Variants in DROSHA observed in about 807,000 individuals in gnomAD.
DROSHA encodes the protein drosha ribonuclease III.
In DROSHA, 56 loss-of-function variants were observed where a neutral mutation model predicts 181.9. That is an observed-to-expected ratio of 0.31 (90% CI 0.25 to 0.38). The LOEUF (loss-of-function observed/expected upper bound fraction) is 0.38. Among genes scored for constraint, DROSHA ranks in the 10% least tolerant of loss-of-function variants. DROSHA has a pLI of 1.00. For synonymous variants in DROSHA, 524 were observed against 591.2 expected (o/e 0.89, Z 1.65); for missense variants, 1,218 against 1,743.5 (o/e 0.70, Z 5.37).
intron 20 of DROSHA, among the ~76,000 whole-genome samples, chr5:31,456,561 T>C (rs1476712762): frequency 6.6e-6 from 1 of 151,852 alleles, no homozygotes; most frequent in Non-Finnish European, 1.5e-5. Context: ...AAGTTGTCAG[T>C]ATAAAGGTAA....
At position 31,424,418 on chromosome 5, in the gene DROSHA, C is replaced by A; in HGVS notation, c.3261+9G>T. 6.3e-7 allele frequency: 1 copy of A among 1,596,968 alleles called. No homozygotes were observed. The highest frequency in any genetic ancestry group is 1.1e-5 in the South Asian group (1 of 87,360). On this transcript the variant is annotated intron_variant, in intron 28 of 35. Transcript: ENST00000344624. Reference sequence around the variant, plus strand: ...TAAAGCTCACTGCAGACAGGGAGGTCATACTTACTTGGAGTGGGTGGAGAG... The same window carrying A: ...TAAAGCTCACTGCAGACAGGGAGGTAATACTTACTTGGAGTGGGTGGAGAG...
chr5:31,416,621 TA>T (rs1300668734), intron 30 of DROSHA, among the ~76,000 whole-genome samples: 1 of 152,132 alleles, frequency 6.6e-6, no homozygotes, highest in Non-Finnish European at 1.5e-5. Flanking sequence ...GAGTAGAAGA[TA>T]CCAGGCACAT....
At chr5:31,444,813 G>C (rs966409557) in intron 23 of DROSHA, among the ~76,000 whole-genome samples, 2 of 152,146 alleles carry the variant, frequency 1.3e-5, no homozygotes, top group African/African-American at 4.8e-5. Context: ...TCATAGTGAG[G>C]TATATGGGCA....
At chr5:31,503,455 C>T (rs926473310) in intron 11 of DROSHA, among the ~76,000 whole-genome samples, 1 of 152,092 alleles carries the variant, frequency 6.6e-6, no homozygotes, top group Non-Finnish European at 1.5e-5. Context: ...GCCTGCTGTC[C>T]AAATGTGCAC....
intron 20 of DROSHA, among the ~76,000 whole-genome samples, chr5:31,462,799 T>G (rs1486889916): frequency 6.6e-6 from 1 of 152,046 alleles, no homozygotes; most frequent in East Asian, 1.9e-4. Context: ...ATTCTTTATC[T>G]TTTTACAAAT....
rs192489199 is a variant in DROSHA, at chr5:31,464,406, C to T, written c.2467-63G>A. The T allele has an allele frequency of 3.3e-5, 47 of 1,437,904 alleles. No homozygotes were observed. In the East Asian group the frequency reaches 6.2e-4, roughly 19 times the overall value. 89.1% of individuals were successfully genotyped at this position (1,437,904 alleles called of 1,614,324 possible). A position where few individuals can be genotyped will look rare whatever the true frequency, so the allele number is the denominator to read the frequency against. ...TATAAAGCAATAGTAAGCCAAACAT[C>T]AAGCATTAGAAAATAAGTTGGATTC... On this transcript the variant is annotated intron_variant, in intron 19 of 35. Transcript: ENST00000344624.
intron 16 of DROSHA, among the ~76,000 whole-genome samples, chr5:31,472,783 TATC>T (rs1358122563): frequency 1.3e-5 from 2 of 152,232 alleles, no homozygotes; most frequent in Non-Finnish European, 2.9e-5. Context: ...CCTGTGCTAA[TATC>T]ATGGAAGATC....
At position 31,511,117 on chromosome 5, in the gene DROSHA, C is replaced by G; in HGVS notation, c.1350G>C (p.Glu450Asp). The change falls in exon 9 of 36, where the codon GAG becomes GAC. Residue 450 changes from glutamate (E) to aspartate (D), a missense_variant. Glu to Asp is a conservative substitution (Grantham distance 45, BLOSUM62 2). This residue lies in a region of DROSHA where 460 missense variants were observed against 774.2 expected (regional missense o/e 0.59). Transcript: ENST00000344624. ...RLRDLYDKFE[E>D]ELGSRQEKAK... ...CCTTTTCTTGCCTGCTCCCCAACTCCTCCTCAAATTTGTCATATAAGTCAC... is the reference window on the plus strand; with the variant it reads ...CCTTTTCTTGCCTGCTCCCCAACTCGTCCTCAAATTTGTCATATAAGTCAC... 6.2e-7 allele frequency: 1 copy of G among 1,613,930 alleles called. No homozygotes were observed. The highest frequency in any genetic ancestry group is 1.7e-5 in the Admixed American group (1 of 60,004).
chr5:31,411,408 C>T lies in DROSHA; in HGVS notation c.3526-521G>A, dbSNP rs964552442. On this transcript the variant is annotated intron_variant, in intron 30 of 35. Coordinates refer to ENST00000344624, the MANE Select transcript of DROSHA (RefSeq NM_001382508.1). The surrounding 1 kb of genome is among the most constrained non-coding windows in gnomAD (Gnocchi z 4.2). Reference sequence around the variant, plus strand: ...CCTTCCCAACCCCTGACCAGGCAAACGGCCTGCTTTTTGTCACTGTACATT... The same window carrying T: ...CCTTCCCAACCCCTGACCAGGCAAATGGCCTGCTTTTTGTCACTGTACATT... Among the ~76,000 whole-genome samples the T allele has an allele frequency of 6.6e-6, 1 of 152,022 alleles. No individual in the cohort carries two copies. The highest frequency in any genetic ancestry group is 1.5e-5 in the Non-Finnish European group (1 of 68,026).
intron 30 of DROSHA, among the ~76,000 whole-genome samples, chr5:31,415,192 TG>T (rs1265055155): frequency 6.6e-6 from 1 of 152,186 alleles, no homozygotes; most frequent in Non-Finnish European, 1.5e-5. Context: ...AAACCACAGC[TG>T]GGGGATGAGC....
chr5:31,461,198 A>G (rs1031133360), intron 20 of DROSHA, among the ~76,000 whole-genome samples: 4 of 152,152 alleles, frequency 2.6e-5, no homozygotes, highest in African/African-American at 9.7e-5. Context: ...TTACAACAAA[A>G]CTAGAGGGAA....
chr5:31,419,908 T>C (rs1189452885), intron 30 of DROSHA, among the ~76,000 whole-genome samples: 1 of 151,984 alleles, frequency 6.6e-6, no homozygotes, highest in African/African-American at 2.4e-5. Flanking sequence ...ATGAATTTAA[T>C]ATTAAGTCAT....
chr5:31,532,038 C>A lies in DROSHA; in HGVS notation c.-298G>T, dbSNP rs144349270. ...AGATCGCCGTCAGAGCAAAGCCAGGCTACTACCGCAGGTACCAAGACAGTG... is the reference window on the plus strand; with the variant it reads ...AGATCGCCGTCAGAGCAAAGCCAGGATACTACCGCAGGTACCAAGACAGTG... On this transcript the variant is annotated 5_prime_UTR_variant, in exon 1 of 36. Coordinates refer to ENST00000344624, the MANE Select transcript of DROSHA (RefSeq NM_001382508.1). 6.9e-5 allele frequency: 22 copies of A among 317,174 alleles called. No individual in the cohort carries two copies. The highest frequency in any genetic ancestry group is 1.0e-4 in the East Asian group (1 of 9,982). 19.6% of individuals were successfully genotyped at this position (317,174 alleles called of 1,614,324 possible). A position where few individuals can be genotyped will look rare whatever the true frequency, so the allele number is the denominator to read the frequency against.
At chr5:31,490,294 G>A (rs139215004) in intron 13 of DROSHA, among the ~76,000 whole-genome samples, 21 of 150,704 alleles carry the variant, frequency 1.4e-4, no homozygotes, top group East Asian at 3.9e-4. Flanking sequence ...TGATCCTCCC[G>A]CATTAGCTTC....
At chr5:31,494,964 G>A (rs150595763) in intron 12 of DROSHA, among the ~76,000 whole-genome samples, 1,533 of 152,220 alleles carry the variant, frequency 0.01, 24 homozygotes, top group African/African-American at 0.035. Context: ...GTGAGCCACC[G>A]CGCCCGGCCA....
chr5:31,437,197 G>A (rs192989136), intron 24 of DROSHA, 42 bp downstream of exon 24: 23 of 1,534,572 alleles, frequency 1.5e-5, no homozygotes, highest in Admixed American at 3.9e-5. Context: ...CCTATAAAAT[G>A]TAATTATTGA....
At chr5:31,505,333 GA>G (rs142862788) in intron 10 of DROSHA, among the ~76,000 whole-genome samples, 6,369 of 151,000 alleles carry the variant, frequency 0.042, 446 homozygotes, top group African/African-American at 0.15. Flanking sequence ...TAATTTAAAA[GA>G]AAAAAAAATC....
chr5:31,529,031 G>C lies in DROSHA; in HGVS notation c.20+9C>G, dbSNP rs756841996. The C allele has an allele frequency of 1.2e-6, 2 of 1,612,916 alleles. No individual in the cohort carries two copies. The highest frequency in any genetic ancestry group is 2.2e-5 in the South Asian group (2 of 90,614). On this transcript the variant is annotated intron_variant, in intron 4 of 35. Coordinates refer to ENST00000344624, the MANE Select transcript of DROSHA (RefSeq NM_001382508.1). ...CCCAAACTATTGCCATTCCCATCACGGCACTCACCATGTGTTTCCCTGCAT... is the reference window on the plus strand; with the variant it reads ...CCCAAACTATTGCCATTCCCATCACCGCACTCACCATGTGTTTCCCTGCAT...
intron 20 of DROSHA, among the ~76,000 whole-genome samples, chr5:31,461,112 C>T (rs1455118126): frequency 1.3e-5 from 2 of 152,112 alleles, no homozygotes; most frequent in African/African-American, 2.4e-5. Context: ...AAAAATACGA[C>T]CAAAACAGCT....
Sources: allele counts gnomAD v4.1 joint callset (sites outside exome capture counted in the v4.1 genomes callset), GRCh38; gene constraint gnomAD v4.1.1; regional missense constraint gnomAD v4.1.1; non-coding constraint Gnocchi (gnomAD v3.1); transcripts MANE v1.5; gene names NCBI Gene and HGNC (gene_info 2026-07-23, HGNC 2026-07-21).